The following EHBP1 variants were observed in gnomAD, a reference collection of about 807,000 sequenced individuals.
The protein encoded by EHBP1 is EH domain-binding protein 1.
EHBP1 carries 55 observed loss-of-function variants against 144.0 expected under a neutral mutation model. The ratio of observed to expected loss-of-function variants is 0.38; its 90% CI spans 0.31 to 0.48. The LOEUF is 0.48. Ranked by LOEUF, EHBP1 falls within the 20% of genes least tolerant of loss-of-function variation. The pLI is 0.98. For synonymous variants in EHBP1, 469 were observed against 472.7 expected, an observed-to-expected ratio of 0.99 and a Z score of 0.10; for missense variants, 1,200 against 1,364.2, an observed-to-expected ratio of 0.88 and a Z score of 1.90.
At chr2:62,920,178 A>G (rs2054959941) in intron 10 of EHBP1, among the ~76,000 whole-genome samples, 1 of 152,216 alleles carries the variant, frequency 6.6e-6, no homozygotes, top group Non-Finnish European at 1.5e-5. Context: ...ACTAAAACTC[A>G]TTATAATCAT....
At position 62,934,711 on chromosome 2, in the gene EHBP1, C is replaced by T. The variant is rs373638844; in HGVS notation, c.1186-8007C>T. Among the ~76,000 whole-genome samples, 4 of 152,260 alleles carry T rather than the reference C, an allele frequency of 2.6e-5. No individual in the cohort carries two copies. The South Asian group carries it at 6.2e-4, about 24-fold the overall frequency. ...GATTCCCAAGGGACATGCTTGGTTA[C>T]GTGAATCACACTAAGCATAGGGAAG... is the stretch of plus-strand genomic sequence containing the variant. On this transcript the variant is annotated intron_variant, in intron 10 of 22. Coordinates refer to ENST00000431489, the MANE Select transcript of EHBP1 (RefSeq NM_001142616.3).
chr2:62,777,017 C>T (rs564572491), intron 5 of EHBP1, among the ~76,000 whole-genome samples: 24 of 152,278 alleles, frequency 1.6e-4, no homozygotes, highest in African/African-American at 5.5e-4. Flanking sequence ...CTCTGTCACC[C>T]AGGCTAGAGT....
chr2:62,960,069 G>A (rs1480361583), intron 14 of EHBP1, among the ~76,000 whole-genome samples: 1 of 152,110 alleles, frequency 6.6e-6, no homozygotes, highest in Non-Finnish European at 1.5e-5. Flanking sequence ...GAAAGGAAAG[G>A]TCTACTTGTA....
intron 10 of EHBP1, among the ~76,000 whole-genome samples, chr2:62,921,042 A>G (rs1469447266): frequency 1.3e-5 from 2 of 152,222 alleles, no homozygotes; most frequent in Non-Finnish European, 2.9e-5. Context: ...TAATTTTGAT[A>G]TCAACAGCTA....
intron 4 of EHBP1, among the ~76,000 whole-genome samples, chr2:62,766,253 G>A (rs1019262705): frequency 6.6e-6 from 1 of 152,110 alleles, no homozygotes; most frequent in African/African-American, 2.4e-5. Context: ...CTGTGGTTTG[G>A]GAGAATTAAT....
intron 7 of EHBP1, among the ~76,000 whole-genome samples, chr2:62,843,079 T>C (rs1442247736): frequency 6.6e-6 from 1 of 152,218 alleles, no homozygotes; most frequent in Non-Finnish European, 1.5e-5. Flanking sequence ...CTGAATCTAA[T>C]TGAAGAAATT....
chr2:62,804,511 C>G (rs1238954960), intron 5 of EHBP1, among the ~76,000 whole-genome samples: 1 of 151,938 alleles, frequency 6.6e-6, no homozygotes, highest in Non-Finnish European at 1.5e-5. Context: ...TTTATTAAAT[C>G]GGTGGGTAAA....
At chr2:62,825,780 G>A (rs1453571681) in intron 5 of EHBP1, among the ~76,000 whole-genome samples, 1 of 152,052 alleles carries the variant, frequency 6.6e-6, no homozygotes, top group Non-Finnish European at 1.5e-5. Flanking sequence ...TCTTCTCATA[G>A]TAACCCTGGA....
At chr2:62,994,090 C>T (rs2059532963) in intron 18 of EHBP1, 113 bp downstream of exon 18, 3 of 648,804 alleles carry the variant, frequency 4.6e-6, no homozygotes, top group Admixed American at 5.5e-5. Flanking sequence ...TGTCAATCTC[C>T]AGTGCATTCA....
At position 62,900,878 on chromosome 2, in the gene EHBP1, T is replaced by G. The variant is rs143569717; in HGVS notation, c.1185+26346T>G. ...ATATCTTCTTGGAAAGTATATCTTA[T>G]GTATTTGATTATTTTTTATTATGAA... On this transcript the variant is annotated intron_variant, in intron 10 of 22. Coordinates refer to ENST00000431489, the MANE Select transcript of EHBP1 (RefSeq NM_001142616.3). Among the ~76,000 whole-genome samples, 1,286 of 152,230 alleles carry G rather than the reference T, an allele frequency of 8.4e-3. 10 individuals carry two copies. The highest frequency in any genetic ancestry group is 0.014 in the Middle Eastern group (4 of 294).
At chr2:62,800,008 C>T (rs1417071325) in intron 5 of EHBP1, among the ~76,000 whole-genome samples, 5 of 152,192 alleles carry the variant, frequency 3.3e-5, no homozygotes, top group Admixed American at 1.3e-4. Context: ...GGTGCTGTTT[C>T]GTCACCTAAA....
intron 5 of EHBP1, among the ~76,000 whole-genome samples, chr2:62,812,783 C>T (rs1054740887): frequency 4.0e-5 from 6 of 151,890 alleles, no homozygotes; most frequent in Admixed American, 6.6e-5. Flanking sequence ...CTTTTCACTG[C>T]GTGTAGTGAG....
intron 1 of EHBP1, among the ~76,000 whole-genome samples, chr2:62,685,559 G>T (rs971160421): frequency 6.6e-6 from 1 of 152,052 alleles, no homozygotes; most frequent in African/African-American, 2.4e-5. Context: ...TCCACCTGCC[G>T]ACCTCATCTT....
intron 19 of EHBP1, among the ~76,000 whole-genome samples, chr2:63,023,951 A>C (rs1012588029): frequency 6.6e-6 from 1 of 152,214 alleles, no homozygotes; most frequent in African/African-American, 2.4e-5. Flanking sequence ...TGAATTTTTA[A>C]AAGTCATAAA....
chr2:62,918,524 A>G (rs1486154780), intron 10 of EHBP1, among the ~76,000 whole-genome samples: 3 of 152,200 alleles, frequency 2.0e-5, no homozygotes, highest in African/African-American at 7.2e-5. Flanking sequence ...ATAACCTGCA[A>G]GCATCTCTAG....
intron 14 of EHBP1, among the ~76,000 whole-genome samples, chr2:62,978,987 C>T (rs1020876507): frequency 1.1e-4 from 16 of 152,028 alleles, no homozygotes; most frequent in Non-Finnish European, 2.2e-4. Flanking sequence ...CATTTTAATA[C>T]AATAATTTGT....
intron 5 of EHBP1, among the ~76,000 whole-genome samples, chr2:62,791,171 G>C (rs1297673282): frequency 6.6e-6 from 1 of 151,868 alleles, no homozygotes; most frequent in Non-Finnish European, 1.5e-5. Context: ...CCCAGACTGA[G>C]GTTCTATATA....
intron 5 of EHBP1, among the ~76,000 whole-genome samples, chr2:62,793,547 T>C (rs1349741863): frequency 1.3e-5 from 2 of 152,094 alleles, no homozygotes; most frequent in African/African-American, 4.8e-5. Flanking sequence ...AAGTAGATCA[T>C]ATAAAATGAA....
chr2:62,728,315 G>A (rs1345023449), intron 2 of EHBP1, among the ~76,000 whole-genome samples: 2 of 152,196 alleles, frequency 1.3e-5, no homozygotes, highest in African/African-American at 4.8e-5. Context: ...TTGAAGAACT[G>A]TCAAACTGTT....
Sources: allele counts gnomAD v4.1 joint callset (sites outside exome capture counted in the v4.1 genomes callset), GRCh38; gene constraint gnomAD v4.1.1; transcripts MANE v1.5; gene names NCBI Gene and HGNC (gene_info 2026-07-23, HGNC 2026-07-21).